The following RAD51B variants were observed in gnomAD, a reference collection of about 807,000 sequenced individuals.
The protein encoded by RAD51B is RAD51 paralog B, also known as DNA repair protein RAD51 homolog 2.
RAD51B carries 38 observed loss-of-function variants against 42.2 expected under a neutral mutation model. The observed-to-expected ratio is 0.90, with a 90% confidence interval of 0.70 to 1.18. The LOEUF is 1.18. Among genes scored for constraint, RAD51B ranks in the 50% most tolerant of loss-of-function variants. The probability of loss-of-function intolerance (pLI) is 0.00; values close to 1 mark genes in which losing one functional copy is unlikely to be tolerated. For synonymous variants in RAD51B, 154 were observed against 145.2 expected, an observed-to-expected ratio of 1.06 and a Z score of -0.43; for missense variants, 373 against 400.7, an observed-to-expected ratio of 0.93 and a Z score of 0.59.
chr14:68,556,763 G>A (rs1888867966), intron 10 of RAD51B, among the ~76,000 whole-genome samples: 1 of 152,144 alleles, frequency 6.6e-6, no homozygotes, highest in African/African-American at 2.4e-5. Context: ...CCATCTTCCA[G>A]GGAGGGCTGG....
chr14:68,115,838 G>A (rs1271926899), intron 7 of RAD51B, among the ~76,000 whole-genome samples: 1 of 152,178 alleles, frequency 6.6e-6, no homozygotes, highest in African/African-American at 2.4e-5. Flanking sequence ...GTGCATCACA[G>A]AGTGGGGCAT....
intron 7 of RAD51B, among the ~76,000 whole-genome samples, chr14:67,892,854 C>T (rs2043260646): frequency 6.6e-6 from 1 of 152,230 alleles, no homozygotes; most frequent in Non-Finnish European, 1.5e-5. Flanking sequence ...TGTTGTCACA[C>T]ATTGTTGCTA....
chr14:68,596,143 G>T (rs964357107), downstream of RAD51B: 5 of 603,424 alleles, frequency 8.3e-6, no homozygotes, highest in Middle Eastern at 1.4e-3. Flanking sequence ...CACTTCTGGG[G>T]CAAGAGGCAC....
intron 7 of RAD51B, among the ~76,000 whole-genome samples, chr14:67,967,913 T>C (rs552906883): frequency 1.3e-5 from 2 of 152,342 alleles, no homozygotes; most frequent in South Asian, 4.1e-4. Context: ...CCTTCCACAC[T>C]GCCCTAGCAG....
chr14:68,111,448 C>G (rs1277109817), intron 7 of RAD51B, among the ~76,000 whole-genome samples: 1 of 152,058 alleles, frequency 6.6e-6, no homozygotes, highest in Non-Finnish European at 1.5e-5. Flanking sequence ...CACAAAAGCT[C>G]TCATGTGGTT....
chr14:68,623,630 G>C (rs541989065), intron 10 of RAD51B, among the ~76,000 whole-genome samples: 4 of 152,284 alleles, frequency 2.6e-5, no homozygotes, highest in African/African-American at 7.2e-5. Flanking sequence ...AGTGACCCTG[G>C]GTGGAGAGCC....
At chr14:68,551,542 A>G (rs1238708736) in intron 10 of RAD51B, among the ~76,000 whole-genome samples, 3 of 152,146 alleles carry the variant, frequency 2.0e-5, no homozygotes, top group Non-Finnish European at 4.4e-5. Context: ...TCCAGTAAGT[A>G]TCTGACGTCA....
chr14:68,606,623 T>A (rs1393285992), intron 10 of RAD51B, among the ~76,000 whole-genome samples: 2 of 152,192 alleles, frequency 1.3e-5, no homozygotes. Flanking sequence ...TCCCTGGGGT[T>A]CCTGACTTTG....
chr14:68,556,192 C>G (rs571813623), intron 10 of RAD51B, among the ~76,000 whole-genome samples: 2 of 152,312 alleles, frequency 1.3e-5, no homozygotes, highest in African/African-American at 4.8e-5. Context: ...GGGGAAACAG[C>G]AGGGAACAAC....
At chr14:68,123,697 A>C (rs140242588) in intron 7 of RAD51B, among the ~76,000 whole-genome samples, 1 of 151,904 alleles carries the variant, frequency 6.6e-6, no homozygotes, top group Non-Finnish European at 1.5e-5. Context: ...AGTCCCAGCT[A>C]CTCGGGAGGC....
chr14:68,512,200 C>T (rs1168792499), intron 10 of RAD51B, among the ~76,000 whole-genome samples: 1 of 152,224 alleles, frequency 6.6e-6, no homozygotes, highest in African/African-American at 2.4e-5. Flanking sequence ...CCCCCACTCC[C>T]AACAGCCACC....
At chr14:68,158,249 G>A (rs1219142975) in intron 7 of RAD51B, among the ~76,000 whole-genome samples, 1 of 152,188 alleles carries the variant, frequency 6.6e-6, no homozygotes, top group Non-Finnish European at 1.5e-5. Context: ...GGTAAGTGCT[G>A]TAAAAATACT....
intron 4 of RAD51B, among the ~76,000 whole-genome samples, 167 bp downstream of exon 4, chr14:67,835,363 C>A (rs974637431): frequency 1.3e-5 from 2 of 152,128 alleles, no homozygotes; most frequent in African/African-American, 4.8e-5. Context: ...GGTTGTTCTG[C>A]AAACAGAGGT....
chr14:67,943,256 T>C (rs1325468340), intron 7 of RAD51B, among the ~76,000 whole-genome samples: 1 of 152,178 alleles, frequency 6.6e-6, no homozygotes, highest in Non-Finnish European at 1.5e-5. Flanking sequence ...GATATGTAAG[T>C]TACAGGGCTT....
At chr14:68,114,740 C>T (rs148777170) in intron 7 of RAD51B, among the ~76,000 whole-genome samples, 6 of 152,078 alleles carry the variant, frequency 3.9e-5, no homozygotes, top group African/African-American at 1.4e-4. Context: ...AGATCATCTG[C>T]CAGAGATAAT....
intron 7 of RAD51B, among the ~76,000 whole-genome samples, chr14:68,223,725 CATCTTGGCCTTGATGAGA>C (rs1396863522): frequency 1.3e-5 from 2 of 151,938 alleles, no homozygotes; most frequent in Non-Finnish European, 2.9e-5. Context: ...CTTATGAAAT[CATCTTGGCCTTGATGAGA>C]ATCTTGGCCT....
At chr14:68,482,485 A>G (rs775598033), downstream of RAD51B, among the ~76,000 whole-genome samples, 1 of 152,206 alleles carries the variant, frequency 6.6e-6, no homozygotes, top group Non-Finnish European at 1.5e-5. Flanking sequence ...GAGGATAAGG[A>G]TTAGGTAATG....
chr14:68,267,226 A>C (rs1199047355), intron 7 of RAD51B, among the ~76,000 whole-genome samples: 1 of 152,206 alleles, frequency 6.6e-6, no homozygotes, highest in Non-Finnish European at 1.5e-5. Context: ...TTGAGCTCTG[A>C]AGGTGAACAA....
intron 9 of RAD51B, among the ~76,000 whole-genome samples, chr14:68,443,374 G>T (rs2085346859): frequency 6.6e-6 from 1 of 152,180 alleles, no homozygotes; most frequent in Non-Finnish European, 1.5e-5. Context: ...GTCTGTTTGG[G>T]TGTATAAGAA....
Sources: allele counts gnomAD v4.1 joint callset (sites outside exome capture counted in the v4.1 genomes callset), GRCh38; gene constraint gnomAD v4.1.1; transcripts MANE v1.5; gene names NCBI Gene and HGNC (gene_info 2026-07-23, HGNC 2026-07-21).